Variants in BARD1 observed in about 807,000 individuals in gnomAD.
BARD1 encodes the protein BRCA1-associated RING domain protein 1.
BARD1 carries 73 observed loss-of-function variants against 77.0 expected under a neutral mutation model. The ratio of observed to expected loss-of-function variants is 0.95; its 90% CI spans 0.79 to 1.15. The LOEUF (loss-of-function observed/expected upper bound fraction) is 1.15, where lower values mean the gene tolerates loss of function less well. Among genes scored for constraint, BARD1 ranks in the 50% most tolerant of loss-of-function variants. The pLI is 0.00. For missense variants in BARD1, 993 were observed against 938.8 expected (o/e 1.06, Z -0.75); for synonymous variants, 384 against 338.0 (o/e 1.14, Z -1.49).
intron 4 of BARD1, among the ~76,000 whole-genome samples, chr2:214,769,684 T>C (rs1694386600): frequency 6.6e-6 from 1 of 152,084 alleles, no homozygotes; most frequent in Admixed American, 6.5e-5. Flanking sequence ...GAGGTTGCAG[T>C]GAGCCAAGAT....
chr2:214,752,477 A>C lies in BARD1; in HGVS notation c.1647T>G (p.Asn549Lys), dbSNP rs754193049. ...AGCAGTGGCTAGCTGAGGATGATTC[A>C]TTCTTCTCTGGTAGCAGCAATAGCG... is the stretch of plus-strand genomic sequence containing the variant. ...MKSLLLLPEK[N>K]ESSSASHCSV... Residue 549 changes from asparagine (N) to lysine (K), a missense_variant, in exon 7 of 11, where the codon AAT becomes AAG. Asn to Lys is a moderately conservative substitution (Grantham distance 94, BLOSUM62 0). Coordinates refer to ENST00000260947, the MANE Select transcript of BARD1 (RefSeq NM_000465.4). 6.2e-7 allele frequency: 1 copy of C among 1,613,618 alleles called. No homozygotes were observed.
chr2:214,809,202 C>A (rs1429659760), intron 1 of BARD1, among the ~76,000 whole-genome samples: 5 of 152,196 alleles, frequency 3.3e-5, no homozygotes, highest in Non-Finnish European at 7.3e-5. Flanking sequence ...GGATTCAGGG[C>A]AAGGGGAGGC....
chr2:214,777,915 T>C (rs1391851660), intron 4 of BARD1, among the ~76,000 whole-genome samples: 1 of 152,166 alleles, frequency 6.6e-6, no homozygotes, highest in Non-Finnish European at 1.5e-5. Context: ...TCTAAAAAGA[T>C]TGGCCAGGTA....
chr2:214,782,825 A>G (rs1695101825), intron 3 of BARD1, among the ~76,000 whole-genome samples: 1 of 152,214 alleles, frequency 6.6e-6, no homozygotes, highest in Non-Finnish European at 1.5e-5. Flanking sequence ...TCTGACTGCC[A>G]TGTGGAGGAG....
intron 1 of BARD1, among the ~76,000 whole-genome samples, chr2:214,804,649 C>T (rs778158784): frequency 1.3e-5 from 2 of 152,090 alleles, no homozygotes; most frequent in South Asian, 2.1e-4. Flanking sequence ...GATGAGGAAC[C>T]AGAGTCCAGG....
At chr2:214,779,496 G>A in intron 4 of BARD1, among the ~76,000 whole-genome samples, 1 of 152,126 alleles carries the variant, frequency 6.6e-6, no homozygotes, top group East Asian at 1.9e-4. Context: ...ACACAGAGCT[G>A]ACTGTATTCC....
Position 214,769,246 on chromosome 2 carries a change from CAGCATGGTCTTT to C in BARD1, c.1369_1380del (p.Lys457_Ala460del), listed in dbSNP as rs1255645930. 1 of 1,612,480 alleles carries C rather than the reference CAGCATGGTCTTT, an allele frequency of 6.2e-7. No individual in the cohort carries two copies. The highest frequency in any genetic ancestry group is 2.2e-5 in the East Asian group (1 of 44,848). On this transcript the variant is annotated inframe_deletion, in exon 5 of 11. Transcript: ENST00000260947. Reference sequence around the variant, plus strand: ...CAGACAACTACCAATGGTGTCCATCCAGCATGGTCTTTAACATTTGGATCACTTCCATTTTGT... The same window carrying C: ...CAGACAACTACCAATGGTGTCCATCCAACATTTGGATCACTTCCATTTTGT...
In BARD1 at chr2:214,728,426, T is replaced by A. The variant is rs1216152061; in HGVS notation, c.*250A>T. The A allele has an allele frequency of 2.0e-6, 1 of 507,754 alleles. No individual in the cohort carries two copies. Among genetic ancestry groups the A allele is most frequent in the Non-Finnish European group, 3.5e-6 (1 of 283,642 alleles). 31.5% of individuals were successfully genotyped at this position (507,754 alleles called of 1,614,324 possible). On this transcript the variant is annotated 3_prime_UTR_variant, in exon 11 of 11. Transcript: ENST00000260947. ...AATCTTTGATACCCAATAATCTGAA[T>A]AGAAAGACATGATAAATCAAAAACA...
intron 9 of BARD1, among the ~76,000 whole-genome samples, chr2:214,739,930 T>A (rs1248847787): frequency 1.3e-5 from 2 of 152,038 alleles, no homozygotes; most frequent in Non-Finnish European, 2.9e-5. Context: ...ATTGCAAAAA[T>A]ATATTATTAT....
At chr2:214,729,898 C>T (rs139622275) in intron 10 of BARD1, among the ~76,000 whole-genome samples, 9 of 152,180 alleles carry the variant, frequency 5.9e-5, no homozygotes, top group Non-Finnish European at 1.2e-4. Context: ...AATGTATTCA[C>T]GGGGCACAAA....
intron 7 of BARD1, among the ~76,000 whole-genome samples, chr2:214,751,151 A>ATTTTTTTTTT (rs60746999): frequency 8.1e-5 from 3 of 37,180 alleles, no homozygotes; most frequent in East Asian, 6.6e-4. Flanking sequence ...ATATATATAT[A>ATTTTTTTTTT]TTTTTTTTTT....
At chr2:214,775,974 A>G (rs1694721751) in intron 4 of BARD1, among the ~76,000 whole-genome samples, 2 of 152,170 alleles carry the variant, frequency 1.3e-5, no homozygotes, top group South Asian at 2.1e-4. Flanking sequence ...ATAAACTACA[A>G]AGTTAAACTC....
At chr2:214,757,793 T>C (rs1693763811) in intron 6 of BARD1, among the ~76,000 whole-genome samples, 1 of 152,094 alleles carries the variant, frequency 6.6e-6, no homozygotes, top group Non-Finnish European at 1.5e-5. Context: ...AGAAAAGGTT[T>C]TGCAGTCTGG....
intron 4 of BARD1, among the ~76,000 whole-genome samples, chr2:214,778,396 T>C (rs1694829969): frequency 6.6e-6 from 1 of 152,128 alleles, no homozygotes; most frequent in Non-Finnish European, 1.5e-5. Context: ...TACCATAACA[T>C]AATCTGACAA....
At chr2:214,764,074 GA>G (rs1694085500) in intron 6 of BARD1, among the ~76,000 whole-genome samples, 1 of 152,216 alleles carries the variant, frequency 6.6e-6, no homozygotes, top group African/African-American at 2.4e-5. Context: ...AACCACCTTA[GA>G]AAAGGCACAG....
intron 3 of BARD1, among the ~76,000 whole-genome samples, chr2:214,785,763 G>GA (rs1390670889): frequency 6.6e-6 from 1 of 151,752 alleles, no homozygotes; most frequent in East Asian, 1.9e-4. Context: ...AGAAACGGAG[G>GA]AAAGTTGGAA....
At chr2:214,743,158 G>A (rs1692923949) in intron 9 of BARD1, among the ~76,000 whole-genome samples, 1 of 152,136 alleles carries the variant, frequency 6.6e-6, no homozygotes, top group Non-Finnish European at 1.5e-5. Flanking sequence ...CATTGGTTGA[G>A]ACAAGCATCA....
chr2:214,800,366 T>C (rs1043663283), intron 1 of BARD1, among the ~76,000 whole-genome samples: 2 of 152,100 alleles, frequency 1.3e-5, no homozygotes, highest in Non-Finnish European at 2.9e-5. Context: ...AGGAAGTGTG[T>C]GAGCCAAGCT....
intron 9 of BARD1, among the ~76,000 whole-genome samples, chr2:214,739,118 C>T (rs1692696110): frequency 6.6e-6 from 1 of 152,020 alleles, no homozygotes; most frequent in Non-Finnish European, 1.5e-5. Flanking sequence ...CACTGCAGTC[C>T]AGCCTGTGTG....
Sources: allele counts gnomAD v4.1 joint callset (sites outside exome capture counted in the v4.1 genomes callset), GRCh38; gene constraint gnomAD v4.1.1; transcripts MANE v1.5; gene names NCBI Gene and HGNC (gene_info 2026-07-23, HGNC 2026-07-21).